The following ABAT variants were observed in gnomAD, a reference collection of about 807,000 sequenced individuals.
The protein encoded by ABAT is 4-aminobutyrate aminotransferase, mitochondrial.
ABAT carries 45 observed loss-of-function variants against 64.6 expected under a neutral mutation model. That is an observed-to-expected ratio of 0.70 (90% CI 0.55 to 0.89). The LOEUF (loss-of-function observed/expected upper bound fraction) is 0.89. Among genes scored for constraint, ABAT ranks in the 40% least tolerant of loss-of-function variants. ABAT has a pLI of 0.00. For missense variants in ABAT, 633 were observed against 658.4 expected, an observed-to-expected ratio of 0.96 and a Z score of 0.42; for synonymous variants, 297 against 250.5, an observed-to-expected ratio of 1.19 and a Z score of -1.75.
intron 5 of ABAT, among the ~76,000 whole-genome samples, chr16:8,754,779 C>T (rs556741766): frequency 4.0e-5 from 6 of 151,438 alleles, no homozygotes; most frequent in Non-Finnish European, 7.4e-5. Flanking sequence ...AGTGCAGTGG[C>T]ACAATCTCAG....
At chr16:8,709,091 C>T (rs1247654037) in intron 1 of ABAT, among the ~76,000 whole-genome samples, 2 of 152,128 alleles carry the variant, frequency 1.3e-5, no homozygotes, top group Non-Finnish European at 1.5e-5. Flanking sequence ...AAAATATTAA[C>T]ATTTCGCTAA....
chr16:8,709,517 G>T (rs749323745), intron 1 of ABAT, among the ~76,000 whole-genome samples: 10 of 152,110 alleles, frequency 6.6e-5, no homozygotes, highest in Non-Finnish European at 8.8e-5. Context: ...GGGATTACAG[G>T]CTCCTGCCAC....
intron 1 of ABAT, among the ~76,000 whole-genome samples, chr16:8,694,213 A>G (rs924785134): frequency 4.4e-5 from 6 of 134,978 alleles, no homozygotes; most frequent in African/African-American, 1.7e-4. Flanking sequence ...TTTTTTTTTC[A>G]GTAGAGACAG....
intron 14 of ABAT, among the ~76,000 whole-genome samples, chr16:8,777,744 G>A (rs894563668): frequency 6.6e-6 from 1 of 152,158 alleles, no homozygotes; most frequent in Non-Finnish European, 1.5e-5. Flanking sequence ...AGTAAGTGCT[G>A]GAAGGACTTC....
intron 1 of ABAT, among the ~76,000 whole-genome samples, chr16:8,725,309 G>A (rs1468170807): frequency 1.3e-5 from 2 of 152,016 alleles, no homozygotes; most frequent in Admixed American, 6.6e-5. Flanking sequence ...AGCCACCACC[G>A]CTATCTAATT....
At chr16:8,685,340 G>A (rs1226810803) in intron 1 of ABAT, among the ~76,000 whole-genome samples, 2 of 151,754 alleles carry the variant, frequency 1.3e-5, no homozygotes, top group African/African-American at 2.4e-5. Context: ...CCAAAAATTT[G>A]TGTTGTAAGT....
chr16:8,781,247 C>A lies in ABAT; in HGVS notation c.1382-62C>A, dbSNP rs1352899385. On this transcript the variant is annotated intron_variant, in intron 15 of 15. Coordinates refer to ENST00000268251, the MANE Select transcript of ABAT (RefSeq NM_020686.6). The surrounding 1 kb of genome is among the most constrained non-coding windows in gnomAD (Gnocchi z 4.5). ...TTGCCAACAGGCATCACTTTCCCCC[C>A]AGCTCTCCCAGCATGTGACTTTGAG... 9 of 1,611,964 alleles carry A rather than the reference C, an allele frequency of 5.6e-6. No homozygotes were observed. In the Admixed American group the frequency reaches 1.5e-4, roughly 27 times the overall value.
intron 1 of ABAT, 107 bp from the exon 2 acceptor site, chr16:8,735,592 T>C (rs1200389414): frequency 1.8e-5 from 17 of 943,930 alleles, no homozygotes; most frequent in South Asian, 5.6e-5. Context: ...CATTTGACAA[T>C]GTCAGAAGAA....
At chr16:8,689,202 T>A (rs1044768357) in intron 1 of ABAT, among the ~76,000 whole-genome samples, 1 of 152,216 alleles carries the variant, frequency 6.6e-6, no homozygotes, top group Non-Finnish European at 1.5e-5. Context: ...TTTTATGTAT[T>A]GTATTAGGTA....
intron 1 of ABAT, among the ~76,000 whole-genome samples, chr16:8,677,315 C>T (rs990202089): frequency 4.6e-5 from 7 of 152,180 alleles, no homozygotes; most frequent in Admixed American, 1.3e-4. Flanking sequence ...GATAATCTGC[C>T]AGGGCCAAGG....
At position 8,745,981 on chromosome 16, in the gene ABAT, A is replaced by T. The variant is rs760162413; in HGVS notation, c.71-20A>T. 1.2e-6 allele frequency: 2 copies of T among 1,609,356 alleles called. No homozygotes were observed. The highest frequency in any genetic ancestry group is 1.7e-6 in the Non-Finnish European group (2 of 1,176,014). ...TCTCTGCTGTCACCAGGGATTTCTC[A>T]TTGTCTTTGTTTACTGCAGGATCCA... On this transcript the variant is annotated intron_variant, in intron 2 of 15. Coordinates refer to ENST00000268251, the MANE Select transcript of ABAT (RefSeq NM_020686.6).
chr16:8,712,739 G>C (rs1332872766), intron 1 of ABAT: 1 of 152,114 alleles, frequency 6.6e-6, no homozygotes, highest in Non-Finnish European at 1.5e-5. Context: ...CGAGGATGCC[G>C]GTATCTGGCT....
At position 8,735,821 on chromosome 16, in the gene ABAT, G is replaced by A. The variant is rs760345321; in HGVS notation, c.70+12G>A. ...CCTGCTGGTGCCTGGTAAGCCCCGG[G>A]GGTCTTGATAAGAACTGGTACTAAT... On this transcript the variant is annotated intron_variant, in intron 2 of 15. Transcript: ENST00000268251. 55 of 1,594,612 alleles carry A rather than the reference G, an allele frequency of 3.4e-5. No individual in the cohort carries two copies. Among genetic ancestry groups the A allele is most frequent in the East Asian group, 4.5e-5 (2 of 44,540 alleles).
At chr16:8,694,494 A>C (rs1172112224) in intron 1 of ABAT, among the ~76,000 whole-genome samples, 2 of 151,294 alleles carry the variant, frequency 1.3e-5, no homozygotes, top group Non-Finnish European at 2.9e-5. Context: ...GGGCTTAAGC[A>C]ATTCTCCCGA....
chr16:8,769,712 G>A (rs1278123319), intron 11 of ABAT, among the ~76,000 whole-genome samples: 3 of 152,190 alleles, frequency 2.0e-5, no homozygotes, highest in Admixed American at 1.3e-4. Context: ...GATGCTATGG[G>A]AGAGGCTGAG....
chr16:8,703,966 A>G (rs1567276337), intron 1 of ABAT, among the ~76,000 whole-genome samples: 1 of 152,258 alleles, frequency 6.6e-6, no homozygotes, highest in African/African-American at 2.4e-5. Context: ...TCCTTAGCCT[A>G]CAGTCTGCAT....
chr16:8,772,643 C>A (rs2060146777), intron 11 of ABAT, 137 bp from the exon 12 acceptor site: 2 of 1,215,902 alleles, frequency 1.6e-6, no homozygotes, highest in African/African-American at 1.5e-5. Flanking sequence ...CTAACAGAGG[C>A]TTCACTGGTC....
At chr16:8,754,955 G>A (rs1003552710) in intron 5 of ABAT, among the ~76,000 whole-genome samples, 1 of 152,000 alleles carries the variant, frequency 6.6e-6, no homozygotes, top group Non-Finnish European at 1.5e-5. Flanking sequence ...CTGAGCTGAA[G>A]TGACCCACCT....
chr16:8,747,993 AT>A, intron 3 of ABAT, 114 bp from the exon 4 acceptor site: 1 of 943,924 alleles, frequency 1.1e-6, no homozygotes. Flanking sequence ...CTAATAAAAT[AT>A]TTAGTTATTG....
Sources: allele counts gnomAD v4.1 joint callset (sites outside exome capture counted in the v4.1 genomes callset), GRCh38; gene constraint gnomAD v4.1.1; non-coding constraint Gnocchi (gnomAD v3.1); transcripts MANE v1.5; gene names NCBI Gene and HGNC (gene_info 2026-07-23, HGNC 2026-07-21).